Variants in EPB41L1 observed in about 807,000 individuals in gnomAD.
EPB41L1 encodes the protein band 4.1-like protein 1.
In EPB41L1, 29 loss-of-function variants were observed where a neutral mutation model predicts 97.8. The ratio of observed to expected loss-of-function variants is 0.30; its 90% CI spans 0.22 to 0.40. The LOEUF is 0.40. Among genes scored for constraint, EPB41L1 ranks in the 10% least tolerant of loss-of-function variants. The probability of loss-of-function intolerance (pLI) is 1.00; values close to 1 mark genes in which losing one functional copy is unlikely to be tolerated. For missense variants in EPB41L1, 812 were observed against 1,162.3 expected, an observed-to-expected ratio of 0.70 and a Z score of 4.38; for synonymous variants, 383 against 459.2, an observed-to-expected ratio of 0.83 and a Z score of 2.12.
At chr20:36,134,955 C>T (rs960428456) in intron 2 of EPB41L1, among the ~76,000 whole-genome samples, 4 of 151,042 alleles carry the variant, frequency 2.6e-5, no homozygotes, top group East Asian at 2.0e-4. Context: ...CCTCCACCTC[C>T]TGGGTTCAAG....
intron 1 of EPB41L1, among the ~76,000 whole-genome samples, chr20:36,169,990 C>T (rs1199222053): frequency 6.6e-6 from 1 of 152,232 alleles, no homozygotes; most frequent in Non-Finnish European, 1.5e-5. Flanking sequence ...ACAGCAGGCT[C>T]CATCAGTCTG....
intron 2 of EPB41L1, among the ~76,000 whole-genome samples, chr20:36,142,919 A>G (rs986116648): frequency 1.3e-5 from 2 of 152,208 alleles, no homozygotes; most frequent in Non-Finnish European, 2.9e-5. Context: ...AGAAGCTGGC[A>G]TGGCCTCCGT....
At chr20:36,126,637 A>T (rs1342774699) in intron 2 of EPB41L1, among the ~76,000 whole-genome samples, 1 of 152,196 alleles carries the variant, frequency 6.6e-6, no homozygotes, top group Non-Finnish European at 1.5e-5. Context: ...AAGTGCTGGG[A>T]TTACAGGCGT....
intron 2 of EPB41L1, among the ~76,000 whole-genome samples, 168 bp from the exon 3 acceptor site, chr20:36,175,383 C>T (rs749661158): frequency 3.3e-5 from 5 of 152,208 alleles, no homozygotes; most frequent in Non-Finnish European, 7.3e-5. Context: ...GGCTCTCCTC[C>T]TGTACACACC....
intron 2 of EPB41L1, among the ~76,000 whole-genome samples, chr20:36,140,097 C>G (rs181178925): frequency 4.9e-4 from 74 of 151,950 alleles, no homozygotes; most frequent in Non-Finnish European, 8.7e-4. Context: ...CTCTGTCACC[C>G]AGGCTGGAGT....
rs113405478 is a variant in EPB41L1, at chr20:36,186,731, A to G, written c.786-945A>G. On this transcript the variant is annotated intron_variant, in intron 7 of 21. Transcript: ENST00000338074. ...GCAAGAGTCATAATAATTCAGAGAA[A>G]GATGTTCAGATCAATATGGGCTGGA... Among the ~76,000 whole-genome samples, 1,097 of 152,304 alleles carry G rather than the reference A, an allele frequency of 7.2e-3. 9 individuals carry two copies. Among genetic ancestry groups the G allele is most frequent in the African/African-American group, 0.025 (1,041 of 41,558 alleles).
At chr20:36,202,023 A>G (rs1348038394) in intron 14 of EPB41L1, among the ~76,000 whole-genome samples, 1 of 152,192 alleles carries the variant, frequency 6.6e-6, no homozygotes, top group Non-Finnish European at 1.5e-5. Flanking sequence ...TACTCTATGA[A>G]TTTTTCCTCA....
At chr20:36,159,313 A>G (rs1364430518) in intron 1 of EPB41L1, among the ~76,000 whole-genome samples, 2 of 152,194 alleles carry the variant, frequency 1.3e-5, no homozygotes, top group East Asian at 1.9e-4. Flanking sequence ...AATTGGGACT[A>G]AGTGTCCAAC....
At chr20:36,141,137 A>G (rs2059623105) in intron 2 of EPB41L1, among the ~76,000 whole-genome samples, 2 of 151,938 alleles carry the variant, frequency 1.3e-5, no homozygotes, top group Non-Finnish European at 2.9e-5. Flanking sequence ...CATTTCTTCC[A>G]TTTACCTCCT....
chr20:36,102,116 G>A (rs185199286), intron 1 of EPB41L1, among the ~76,000 whole-genome samples: 2 of 139,170 alleles, frequency 1.4e-5, no homozygotes, highest in Non-Finnish European at 3.1e-5. Flanking sequence ...TGGGCGGGGT[G>A]GGGGGTGGGC....
chr20:36,227,339 G>A (rs977723381), intron 21 of EPB41L1, among the ~76,000 whole-genome samples: 4 of 152,048 alleles, frequency 2.6e-5, no homozygotes, highest in African/African-American at 9.7e-5. Context: ...AAAACGAAAC[G>A]AAGGAAGGAA....
At chr20:36,147,092 G>A (rs1230022066) in intron 2 of EPB41L1, among the ~76,000 whole-genome samples, 2 of 152,136 alleles carry the variant, frequency 1.3e-5, no homozygotes, top group Admixed American at 1.3e-4. Context: ...AGGCTGCAGT[G>A]AACCATGATC....
chr20:36,091,646 T>C (rs2147423490), intron 1 of EPB41L1: 2 of 152,340 alleles, frequency 1.3e-5, no homozygotes, highest in South Asian at 4.1e-4. Context: ...CCTTTGCATG[T>C]CTTGACTTCC....
intron 21 of EPB41L1, among the ~76,000 whole-genome samples, chr20:36,228,297 A>C (rs1294041925): frequency 6.6e-6 from 1 of 152,188 alleles, no homozygotes; most frequent in Non-Finnish European, 1.5e-5. Context: ...TCATAATAAG[A>C]ACAGCCAGTA....
chr20:36,098,913 T>C (rs2057919739), intron 1 of EPB41L1, among the ~76,000 whole-genome samples: 1 of 152,118 alleles, frequency 6.6e-6, no homozygotes, highest in African/African-American at 2.4e-5. Context: ...CTGATCAGAT[T>C]TGTATTTCAA....
chr20:36,182,391 A>T (rs780921151), intron 6 of EPB41L1, 44 bp downstream of exon 6: 4 of 1,603,698 alleles, frequency 2.5e-6, no homozygotes, highest in Non-Finnish European at 2.6e-6. Flanking sequence ...GCTGTGTGGG[A>T]CTATGGATGA....
chr20:36,187,851 C>T, intron 8 of EPB41L1, 88 bp downstream of exon 8: 2 of 1,082,270 alleles, frequency 1.8e-6, no homozygotes, highest in South Asian at 1.3e-5. Flanking sequence ...GTGTGCCAGA[C>T]CCTGTGTTAC....
Position 36,107,840 on chromosome 20 carries a change from A to G in EPB41L1, c.-64-4586A>G, listed in dbSNP as rs1449747056. ...TGAGACTCCATCTTAAAAAAAAAAAAATTGTAAAGGCAAGGAGAAGCTAAA... is the reference window on the plus strand; with the variant it reads ...TGAGACTCCATCTTAAAAAAAAAAAGATTGTAAAGGCAAGGAGAAGCTAAA... On this transcript the variant is annotated intron_variant, in intron 1 of 19. Coordinates refer to the EPB41L1 transcript ENST00000202028. 4.6e-5 allele frequency among the ~76,000 whole-genome samples: 7 copies of G among 151,944 alleles called. No homozygotes were observed. In the South Asian group the frequency reaches 1.4e-3, roughly 31 times the overall value.
chr20:36,158,085 C>G (rs1034739012), intron 1 of EPB41L1, among the ~76,000 whole-genome samples: 3 of 152,100 alleles, frequency 2.0e-5, no homozygotes, highest in Admixed American at 6.5e-5. Flanking sequence ...TCCCGTTTTA[C>G]AGATTGATGG....
Sources: gnomAD v4.1 joint callset for allele counts (sites outside exome capture counted in the v4.1 genomes callset) on GRCh38, gnomAD v4.1.1 for gene constraint, MANE v1.5 for transcripts, NCBI Gene and HGNC (gene_info 2026-07-23, HGNC 2026-07-21) for gene names.